TRPM3: variants seen among roughly 807,000 people sequenced by gnomAD.
The protein encoded by TRPM3 is long transient receptor potential channel 3.
TRPM3 carries 77 observed loss-of-function variants against 181.2 expected under a neutral mutation model. That is an observed-to-expected ratio of 0.42 (90% confidence interval 0.35 to 0.51). TRPM3 has a LOEUF of 0.51. Ranked by LOEUF, TRPM3 falls within the 20% of genes least tolerant of loss-of-function variation. TRPM3 has a pLI of 0.01. For missense variants in TRPM3, 1,759 were observed against 2,196.7 expected (o/e 0.80, Z 3.98); for synonymous variants, 745 against 796.4 (o/e 0.94, Z 1.09).
intron 3 of TRPM3, among the ~76,000 whole-genome samples, chr9:70,860,798 T>C (rs1300181224): frequency 6.6e-6 from 1 of 152,178 alleles, no homozygotes; most frequent in Non-Finnish European, 1.5e-5. Context: ...ATAGTATTAA[T>C]AATATTAATA....
chr9:71,121,068 C>G, intron 1 of TRPM3, 110 bp downstream of exon 1: 1 of 1,035,706 alleles, frequency 9.7e-7, no homozygotes, highest in South Asian at 1.6e-5. Flanking sequence ...AGAGCCAGTA[C>G]TGCATGCATT....
intron 8 of TRPM3, among the ~76,000 whole-genome samples, chr9:70,697,406 C>A (rs1471295437): frequency 6.6e-6 from 1 of 152,102 alleles, no homozygotes; most frequent in Non-Finnish European, 1.5e-5. Flanking sequence ...TTCCTAAACC[C>A]AAGTAATCTC....
Position 70,625,315 on chromosome 9 carries a change from T to A in TRPM3, c.1685A>T (p.Asp562Val). The A allele has an allele frequency of 6.2e-7, 1 of 1,614,130 alleles. No individual in the cohort carries two copies. The highest frequency in any genetic ancestry group is 8.5e-7 in the Non-Finnish European group (1 of 1,180,012). Reference protein sequence around the residue: ...WIYFKGNLPPDYRISLIDIGL... With the variant: ...WIYFKGNLPPVYRISLIDIGL... Reference sequence around the variant, plus strand: ...GATGTCAATCAGGCTGATTCTGTAGTCTGGGGGCAGGTTCCCCTATCAGGG... The same window carrying A: ...GATGTCAATCAGGCTGATTCTGTAGACTGGGGGCAGGTTCCCCTATCAGGG... Residue 562 changes from aspartate (D) to valine (V), a missense_variant, in exon 14 of 26, where the codon GAC (aspartate) becomes GTC (valine). Around this residue, in one of 8 missense-constraint regions of TRPM3, gnomAD observed 737 missense variants for 957.4 expected, o/e 0.77. Transcript: ENST00000677713. This position sits in a 1 kb window ranked among gnomAD's most constrained non-coding sequence, Gnocchi z 4.8.
chr9:70,986,824 A>G (rs963476526), intron 1 of TRPM3, among the ~76,000 whole-genome samples: 1 of 152,120 alleles, frequency 6.6e-6, no homozygotes, highest in Non-Finnish European at 1.5e-5. Flanking sequence ...AGGACACGGT[A>G]TATCAGTCTT....
At chr9:71,168,851 T>C (rs896424211) in intron 1 of TRPM3, among the ~76,000 whole-genome samples, 5 of 152,032 alleles carry the variant, frequency 3.3e-5, no homozygotes, top group African/African-American at 1.2e-4. Flanking sequence ...TTTTAAAAAT[T>C]GCATTTGATA....
intron 1 of TRPM3, among the ~76,000 whole-genome samples, chr9:71,115,547 C>G (rs1026044003): frequency 1.3e-5 from 2 of 152,168 alleles, no homozygotes; most frequent in African/African-American, 2.4e-5. Flanking sequence ...GATACACCAA[C>G]AGAAGAGCAG....
chr9:71,439,695 C>A (rs2094106345), intron 1 of TRPM3, among the ~76,000 whole-genome samples: 1 of 151,604 alleles, frequency 6.6e-6, no homozygotes, highest in Non-Finnish European at 1.5e-5. Flanking sequence ...TTATTTATTT[C>A]AAAAAAATAT....
intron 6 of TRPM3, among the ~76,000 whole-genome samples, chr9:70,800,829 A>G (rs527607779): frequency 2.6e-5 from 4 of 152,354 alleles, no homozygotes; most frequent in Non-Finnish European, 4.4e-5. Context: ...AGAAGTCGAA[A>G]GTTACACACG....
chr9:70,637,500 TA>T (rs2133518665), intron 11 of TRPM3, among the ~76,000 whole-genome samples: 1 of 152,156 alleles, frequency 6.6e-6, no homozygotes, highest in Admixed American at 6.5e-5. Context: ...CTTGATTCTC[TA>T]ATTGATAGAC....
At chr9:70,908,978 A>G (rs2096504397) in intron 1 of TRPM3, among the ~76,000 whole-genome samples, 1 of 152,242 alleles carries the variant, frequency 6.6e-6, no homozygotes. Context: ...GGCTGTAGAT[A>G]TAAATGGGAA....
chr9:70,685,245 C>T (rs746309801), intron 8 of TRPM3, among the ~76,000 whole-genome samples: 4 of 152,104 alleles, frequency 2.6e-5, no homozygotes, highest in Admixed American at 6.5e-5. Context: ...CAAATTTTCA[C>T]ATTTATTGTT....
chr9:70,651,736 C>A (rs2059618563), intron 9 of TRPM3, among the ~76,000 whole-genome samples: 1 of 152,144 alleles, frequency 6.6e-6, no homozygotes, highest in African/African-American at 2.4e-5. Flanking sequence ...CCTAGCTTCA[C>A]CTAACATGCA....
intron 1 of TRPM3, among the ~76,000 whole-genome samples, chr9:71,068,106 T>C (rs2062177940): frequency 6.6e-6 from 1 of 152,174 alleles, no homozygotes; most frequent in Admixed American, 6.5e-5. Flanking sequence ...TTTAGTTTCA[T>C]GGAAATGGCC....
chr9:71,081,085 A>T (rs1459578480), intron 1 of TRPM3, among the ~76,000 whole-genome samples: 1 of 151,222 alleles, frequency 6.6e-6, no homozygotes, highest in Non-Finnish European at 1.5e-5. Context: ...CAAGTCCAAG[A>T]CCCCCCTCTC....
chr9:70,698,037 G>A (rs557401453), intron 8 of TRPM3, among the ~76,000 whole-genome samples: 3 of 151,940 alleles, frequency 2.0e-5, no homozygotes, highest in South Asian at 2.1e-4. Flanking sequence ...GTGAAACCCC[G>A]ACTCTACTAA....
intron 1 of TRPM3, among the ~76,000 whole-genome samples, chr9:71,084,385 C>T (rs559041858): frequency 9.5e-4 from 145 of 152,038 alleles, no homozygotes; most frequent in African/African-American, 3.2e-3. Context: ...GTGACACCTA[C>T]TTCTTGGTTT....
intron 8 of TRPM3, among the ~76,000 whole-genome samples, chr9:70,745,077 C>CTTA (rs1197092790): frequency 6.6e-6 from 1 of 152,024 alleles, no homozygotes; most frequent in East Asian, 1.9e-4. Context: ...ACATAAAGTG[C>CTTA]TATATAGACA....
chr9:71,227,079 A>G (rs954857261), intron 1 of TRPM3, among the ~76,000 whole-genome samples: 3 of 141,280 alleles, frequency 2.1e-5, no homozygotes, highest in African/African-American at 8.0e-5. Context: ...ATTGCACTCC[A>G]GTCTGGGCGG....
At chr9:71,368,931 G>A (rs2092425728) in intron 1 of TRPM3, among the ~76,000 whole-genome samples, 1 of 152,072 alleles carries the variant, frequency 6.6e-6, no homozygotes, top group Non-Finnish European at 1.5e-5. Flanking sequence ...AATAAACATG[G>A]ATCAAAGAAG....
Sources: allele counts gnomAD v4.1 joint callset (sites outside exome capture counted in the v4.1 genomes callset), GRCh38; gene constraint gnomAD v4.1.1; regional missense constraint gnomAD v4.1.1; non-coding constraint Gnocchi (gnomAD v3.1); transcripts MANE v1.5; gene names NCBI Gene and HGNC (gene_info 2026-07-23, HGNC 2026-07-21).